The following CTNNA3 variants were observed in gnomAD, a reference collection of about 807,000 sequenced individuals.
CTNNA3 encodes catenin alpha 3.
In CTNNA3, 76 loss-of-function variants were observed where a neutral mutation model predicts 95.7. The ratio of observed to expected loss-of-function variants is 0.79; its 90% CI spans 0.66 to 0.96. The LOEUF is 0.96. Among genes scored for constraint, CTNNA3 ranks in the 40% least tolerant of loss-of-function variants. The probability of loss-of-function intolerance (pLI) is 0.00; values close to 1 mark genes in which losing one functional copy is unlikely to be tolerated. For synonymous variants in CTNNA3, 431 were observed against 374.4 expected (o/e 1.15, Z -1.74); for missense variants, 1,191 against 1,089.8 (o/e 1.09, Z -1.31).
intron 7 of CTNNA3, among the ~76,000 whole-genome samples, chr10:66,996,664 A>AAAAAAAAAAAAAAAAAAAAAC (rs1851368759): frequency 1.3e-5 from 2 of 150,730 alleles, no homozygotes; most frequent in Non-Finnish European, 3.0e-5. Context: ...AAAAAAAAAA[A>AAAAAAAAAAAAAAAAAAAAAC]AAAAAAAGCA....
At position 66,381,556 on chromosome 10, in the gene CTNNA3, TTGAA is replaced by T. The variant is rs61665378; in HGVS notation, c.1532-2208_1532-2205del. On this transcript the variant is annotated intron_variant, in intron 11 of 17. Transcript: ENST00000433211. ...CTTGTTAGGCTAACAAGAATGCTTG[TTGAA>T]TGAATGAATGAATGAATGAATGAAG... 4.1e-4 allele frequency among the ~76,000 whole-genome samples: 63 copies of T among 151,980 alleles called. No individual in the cohort carries two copies. In the South Asian group the frequency reaches 4.6e-3, roughly 11 times the overall value.
At chr10:67,228,213 A>C (rs1216922145) in intron 5 of CTNNA3, among the ~76,000 whole-genome samples, 1 of 152,196 alleles carries the variant, frequency 6.6e-6, no homozygotes, top group Non-Finnish European at 1.5e-5. Flanking sequence ...CAAAATGAAA[A>C]CAGATGATAA....
intron 12 of CTNNA3, among the ~76,000 whole-genome samples, chr10:66,347,437 G>A (rs1389284662): frequency 6.6e-6 from 1 of 151,874 alleles, no homozygotes; most frequent in Non-Finnish European, 1.5e-5. Context: ...ATTTTTGTGA[G>A]ATTCCGTCTC....
At chr10:66,650,240 T>C (rs1845847011) in intron 9 of CTNNA3, among the ~76,000 whole-genome samples, 1 of 152,172 alleles carries the variant, frequency 6.6e-6, no homozygotes, top group Non-Finnish European at 1.5e-5. Flanking sequence ...TGTGGGAGAT[T>C]ACAGAACCCG....
At chr10:66,207,218 A>G (rs1194028310) in intron 13 of CTNNA3, among the ~76,000 whole-genome samples, 2 of 151,838 alleles carry the variant, frequency 1.3e-5, no homozygotes, top group African/African-American at 4.8e-5. Context: ...CTATCTATAT[A>G]TAGATATACT....
intron 9 of CTNNA3, among the ~76,000 whole-genome samples, chr10:66,705,802 T>G (rs1564630408): frequency 6.6e-6 from 1 of 152,072 alleles, no homozygotes. Flanking sequence ...ACACTGATTT[T>G]TGTCTTAGGC....
chr10:67,082,458 A>C (rs1438157101), intron 7 of CTNNA3, among the ~76,000 whole-genome samples: 2 of 152,082 alleles, frequency 1.3e-5, no homozygotes, highest in African/African-American at 4.8e-5. Flanking sequence ...AAAACCCTAA[A>C]CCCCCAAGCA....
At chr10:67,695,921 T>TAA (rs917833182) in intron 1 of CTNNA3, 79 bp downstream of exon 1, 2 of 152,242 alleles carry the variant, frequency 1.3e-5, no homozygotes, top group African/African-American at 4.8e-5. Context: ...CCTATGATTA[T>TAA]AACTAAGACA....
chr10:66,381,569 T>C (rs1162126486), intron 11 of CTNNA3, among the ~76,000 whole-genome samples: 1 of 152,146 alleles, frequency 6.6e-6, no homozygotes, highest in Admixed American at 6.6e-5. Context: ...AATGAATGAA[T>C]GAATGAATGA....
At chr10:66,702,382 T>C (rs1421367958) in intron 9 of CTNNA3, among the ~76,000 whole-genome samples, 1 of 152,028 alleles carries the variant, frequency 6.6e-6, no homozygotes, top group Non-Finnish European at 1.5e-5. Flanking sequence ...ATTTTGTGGA[T>C]GGCTTTTAAA....
intron 7 of CTNNA3, among the ~76,000 whole-genome samples, chr10:66,941,263 G>A (rs1368183051): frequency 6.6e-6 from 1 of 152,094 alleles, no homozygotes; most frequent in African/African-American, 2.4e-5. Context: ...AACATGAAGA[G>A]GCAAACATAC....
rs768397016 is a variant in CTNNA3, at chr10:67,647,524, C to T, written c.-5-6G>A. On this transcript the variant is annotated splice_region_variant and splice_polypyrimidine_tract_variant and intron_variant, in intron 1 of 17. Transcript: ENST00000433211. ...TGTTTCAGCTGACATGCTGCCTGTG[C>T]ACAAACACAAAAGGATGCTTATTAA... 1 of 1,608,506 alleles carries T rather than the reference C, an allele frequency of 6.2e-7. No homozygotes were observed. The highest frequency in any genetic ancestry group is 1.1e-5 in the South Asian group (1 of 90,474).
chr10:67,529,657 T>A (rs941349158), intron 4 of CTNNA3, among the ~76,000 whole-genome samples: 3 of 139,892 alleles, frequency 2.1e-5, no homozygotes, highest in Non-Finnish European at 4.4e-5. Context: ...ATACAATAAA[T>A]AAAATAAAAT....
chr10:66,729,879 C>T (rs936540180), intron 9 of CTNNA3, among the ~76,000 whole-genome samples: 18 of 150,970 alleles, frequency 1.2e-4, no homozygotes, highest in African/African-American at 3.4e-4. Flanking sequence ...CTGAGGCGGG[C>T]GGATCACGAG....
chr10:67,443,666 G>C (rs1304366183), intron 5 of CTNNA3, among the ~76,000 whole-genome samples: 1 of 150,480 alleles, frequency 6.6e-6, no homozygotes, highest in African/African-American at 2.4e-5. Flanking sequence ...TTGTAAATTT[G>C]TTTGAGTTCA....
At chr10:66,981,762 A>T (rs188203028) in intron 7 of CTNNA3, among the ~76,000 whole-genome samples, 4 of 152,328 alleles carry the variant, frequency 2.6e-5, no homozygotes, top group African/African-American at 9.6e-5. Flanking sequence ...CTTACCTGAA[A>T]CATACAGTAC....
At chr10:66,974,889 C>A (rs1303949114) in intron 7 of CTNNA3, among the ~76,000 whole-genome samples, 4 of 150,744 alleles carry the variant, frequency 2.7e-5, no homozygotes, top group Non-Finnish European at 4.4e-5. Context: ...TCTAAGCATT[C>A]TTAATAATAC....
chr10:66,664,854 T>C (rs1291795926), intron 9 of CTNNA3, among the ~76,000 whole-genome samples: 1 of 146,020 alleles, frequency 6.8e-6, no homozygotes, highest in Non-Finnish European at 1.5e-5. Flanking sequence ...GCTTTGCTCA[T>C]CCACCCTGGC....
At chr10:67,231,672 G>A (rs1030955015) in intron 5 of CTNNA3, among the ~76,000 whole-genome samples, 51 of 148,196 alleles carry the variant, frequency 3.4e-4, no homozygotes, top group Non-Finnish European at 6.5e-4. Flanking sequence ...AAAGCTGGAC[G>A]GAGAATGAGA....
Sources: gnomAD v4.1 joint callset for allele counts (sites outside exome capture counted in the v4.1 genomes callset) on GRCh38, gnomAD v4.1.1 for gene constraint, MANE v1.5 for transcripts, NCBI Gene and HGNC (gene_info 2026-07-23, HGNC 2026-07-21) for gene names.